The following FCHO2 variants were observed in gnomAD, a reference collection of about 807,000 sequenced individuals.
The protein encoded by FCHO2 is F-BAR domain only protein 2.
A neutral mutation model predicts 114.1 loss-of-function variants in FCHO2; 43 were observed. That is an observed-to-expected ratio of 0.38 (90% CI 0.30 to 0.49). The LOEUF (loss-of-function observed/expected upper bound fraction) is 0.49. Among genes scored for constraint, FCHO2 ranks in the 20% least tolerant of loss-of-function variants. The pLI is 0.97. For missense variants in FCHO2, 807 were observed against 950.4 expected (o/e 0.85, Z 1.98); for synonymous variants, 293 against 315.2 (o/e 0.93, Z 0.75).
At chr5:73,040,650 A>G (rs750868553) in intron 10 of FCHO2, among the ~76,000 whole-genome samples, 14 of 152,200 alleles carry the variant, frequency 9.2e-5, no homozygotes, top group Non-Finnish European at 1.5e-4. Context: ...TATCAGTTAA[A>G]TGATAGAATT....
chr5:72,999,300 AT>A (rs946202532), intron 5 of FCHO2, among the ~76,000 whole-genome samples: 2 of 151,050 alleles, frequency 1.3e-5, no homozygotes, highest in Non-Finnish European at 2.9e-5. Flanking sequence ...TCTTTGAATA[AT>A]TTTTTTGTGA....
chr5:72,985,979 T>C (rs1753500172), intron 2 of FCHO2, among the ~76,000 whole-genome samples: 1 of 152,166 alleles, frequency 6.6e-6, no homozygotes, highest in Non-Finnish European at 1.5e-5. Flanking sequence ...TCTTTACTCA[T>C]TTATCTGACT....
chr5:73,020,568 T>A (rs746436240), intron 8 of FCHO2: 23 of 640,822 alleles, frequency 3.6e-5, no homozygotes, highest in Non-Finnish European at 5.1e-5. Context: ...TATTTGGGGT[T>A]GTCGTGCAAC....
intron 11 of FCHO2, among the ~76,000 whole-genome samples, chr5:73,048,666 T>C (rs1399489900): frequency 6.6e-6 from 1 of 152,068 alleles, no homozygotes. Context: ...TTTTAAATAG[T>C]TGGAGCTGTG....
chr5:73,016,907 G>C (rs909967086), intron 7 of FCHO2, among the ~76,000 whole-genome samples: 1 of 151,986 alleles, frequency 6.6e-6, no homozygotes, highest in Admixed American at 6.6e-5. Context: ...TAAGCCAAAA[G>C]TATTTTTGTT....
chr5:73,038,231 C>G (rs908277474), intron 10 of FCHO2: 1 of 152,206 alleles, frequency 6.6e-6, no homozygotes, highest in African/African-American at 2.4e-5. Context: ...TATGCCAGGT[C>G]CCACCTCAGA....
intron 15 of FCHO2, 85 bp downstream of exon 15, chr5:73,054,634 AT>A: frequency 9.8e-7 from 1 of 1,016,012 alleles, no homozygotes; most frequent in Non-Finnish European, 1.5e-6. Flanking sequence ...AGCTGTAGAA[AT>A]AAATGATCTT....
rs6859051 is a variant in FCHO2, at chr5:73,084,395, A to T, written c.2245+1570A>T. On this transcript the variant is annotated intron_variant, in intron 24 of 25. Coordinates refer to ENST00000430046, the MANE Select transcript of FCHO2 (RefSeq NM_138782.3). ...ATTCTCCTGCCTCAGCCTCCCGAGT[A>T]GCTGGGATTACAGGCACCTACCACC... Among the ~76,000 whole-genome samples, 1,097 of 152,140 alleles carry T rather than the reference A, an allele frequency of 7.2e-3. 17 individuals are homozygous for T. The highest frequency in any genetic ancestry group is 0.025 in the African/African-American group (1,048 of 41,522).
intron 5 of FCHO2, among the ~76,000 whole-genome samples, chr5:72,994,054 A>G (rs1237690680): frequency 6.6e-6 from 1 of 152,246 alleles, no homozygotes; most frequent in Non-Finnish European, 1.5e-5. Context: ...CTGAGGCAAT[A>G]CCATTCTGGA....
At chr5:73,033,442 A>G (rs1756337603) in intron 8 of FCHO2, among the ~76,000 whole-genome samples, 1 of 152,144 alleles carries the variant, frequency 6.6e-6, no homozygotes, top group African/African-American at 2.4e-5. Context: ...CTATTTGTAG[A>G]GAAATCTTTC....
intron 6 of FCHO2, among the ~76,000 whole-genome samples, chr5:73,011,364 G>T (rs913862758): frequency 1.3e-5 from 2 of 151,704 alleles, no homozygotes; most frequent in African/African-American, 2.4e-5. Context: ...GACTCTTTTG[G>T]GATGACATCT....
At chr5:72,968,841 C>T (rs920829011) in intron 2 of FCHO2, among the ~76,000 whole-genome samples, 22 of 152,060 alleles carry the variant, frequency 1.4e-4, no homozygotes, top group Non-Finnish European at 2.8e-4. Flanking sequence ...ACATATTTTT[C>T]ACTGGATATG....
At chr5:73,072,979 C>A (rs2112882599) in intron 19 of FCHO2, among the ~76,000 whole-genome samples, 1 of 152,156 alleles carries the variant, frequency 6.6e-6, no homozygotes, top group East Asian at 1.9e-4. Context: ...TCCTGAATTT[C>A]TGATGACCCT....
chr5:73,081,963 TC>T lies in FCHO2; in HGVS notation c.2164del (p.Leu722PhefsTer11). On this transcript the variant is annotated frameshift_variant, in exon 23 of 26. Transcript: ENST00000430046. LOFTEE classifies it high-confidence loss of function. ...PVDGGVTNMQ[S>X]LPPAIWNAEQ... Reference sequence around the variant, plus strand: ...GGATGGAGGAGTAACGAACATGCAGTCCCTTCCCCCTGCAATATGGTAAATT... The same window carrying T: ...GGATGGAGGAGTAACGAACATGCAGTCCTTCCCCCTGCAATATGGTAAATT... 2 of 1,548,448 alleles carry T rather than the reference TC, an allele frequency of 1.3e-6. No individual in the cohort carries two copies. Among genetic ancestry groups the T allele is most frequent in the Non-Finnish European group, 1.7e-6 (2 of 1,144,616 alleles).
intron 2 of FCHO2, among the ~76,000 whole-genome samples, chr5:72,971,757 AG>A (rs1395916897): frequency 6.6e-6 from 1 of 152,164 alleles, no homozygotes; most frequent in East Asian, 1.9e-4. Flanking sequence ...TTGGTGTTTT[AG>A]ACATGAAGTC....
intron 1 of FCHO2, among the ~76,000 whole-genome samples, chr5:72,967,273 A>C (rs1752253673): frequency 6.6e-6 from 1 of 152,374 alleles, no homozygotes; most frequent in Middle Eastern, 3.4e-3. Context: ...TGATAGAGTG[A>C]GACTGTCTCA....
chr5:73,015,359 T>G (rs2112740768), intron 6 of FCHO2, among the ~76,000 whole-genome samples: 1 of 151,606 alleles, frequency 6.6e-6, no homozygotes, highest in Admixed American at 6.6e-5. Context: ...GCCTCCCAGG[T>G]TCAAATGATT....
intron 1 of FCHO2, among the ~76,000 whole-genome samples, chr5:72,967,343 CTT>C (rs1396250684): frequency 2.6e-5 from 4 of 152,138 alleles, no homozygotes; most frequent in South Asian, 4.1e-4. Context: ...AGCCTCTTCT[CTT>C]TTGTTAAATT....
rs1329656282 is a variant in FCHO2 at position 73,070,565 on chromosome 5, G to GT, written c.1579+1802dup. Among the ~76,000 whole-genome samples the GT allele has an allele frequency of 4.2e-3, 565 of 133,246 alleles. 1 individual carries two copies. Among genetic ancestry groups the GT allele is most frequent in the South Asian group, 0.01 (42 of 4,138 alleles). 87.4% of individuals were successfully genotyped at this position (133,246 alleles called of 152,430 possible). On this transcript the variant is annotated intron_variant, in intron 19 of 25. Transcript: ENST00000430046. ...CTGGGTAACCTTATTTTCGCTTTAGGTTTTTTTTTTTTTTTTCCAGTTATC... is the reference window on the plus strand; with the variant it reads ...CTGGGTAACCTTATTTTCGCTTTAGGTTTTTTTTTTTTTTTTTCCAGTTATC...
Sources: gnomAD v4.1 joint callset for allele counts (sites outside exome capture counted in the v4.1 genomes callset) on GRCh38, gnomAD v4.1.1 for gene constraint, MANE v1.5 for transcripts, NCBI Gene and HGNC (gene_info 2026-07-23, HGNC 2026-07-21) for gene names.